Variants in DLC1 observed in about 807,000 individuals in gnomAD.
DLC1 encodes DLC1 Rho GTPase activating protein.
In DLC1, 54 loss-of-function variants were observed where a neutral mutation model predicts 140.3. The ratio of observed to expected loss-of-function variants is 0.38; its 90% CI spans 0.31 to 0.48. The LOEUF (loss-of-function observed/expected upper bound fraction) is 0.48, where lower values mean the gene tolerates loss of function less well. Ranked by LOEUF, DLC1 falls within the 20% of genes least tolerant of loss-of-function variation. The probability of loss-of-function intolerance (pLI) is 0.96; values close to 1 mark genes in which losing one functional copy is unlikely to be tolerated. For synonymous variants in DLC1, 986 were observed against 728.1 expected, an observed-to-expected ratio of 1.35 and a Z score of -5.70; for missense variants, 2,536 against 1,907.0, an observed-to-expected ratio of 1.33 and a Z score of -6.14.
At chr8:13,089,127 C>G (rs1817822810) in intron 15 of DLC1, among the ~76,000 whole-genome samples, 1 of 151,126 alleles carries the variant, frequency 6.6e-6, no homozygotes, top group South Asian at 2.1e-4. Flanking sequence ...GGCGTGGTGG[C>G]AGGCACCTGT....
intron 2 of DLC1, among the ~76,000 whole-genome samples, chr8:13,404,910 G>A (rs1237181403): frequency 6.6e-6 from 1 of 152,016 alleles, no homozygotes; most frequent in Non-Finnish European, 1.5e-5. Flanking sequence ...GGAGTCCTGA[G>A]GCAAGAGAGT....
intron 4 of DLC1, among the ~76,000 whole-genome samples, chr8:13,330,114 A>G (rs76334277): frequency 0.011 from 1,705 of 152,232 alleles, 32 homozygotes; most frequent in African/African-American, 0.039. Context: ...ACAGGTGCAC[A>G]CCACAATGTC....
chr8:13,463,982 G>T (rs1010437676), intron 2 of DLC1, among the ~76,000 whole-genome samples: 2 of 152,180 alleles, frequency 1.3e-5, no homozygotes, highest in East Asian at 3.8e-4. Context: ...GAGAGAAAAA[G>T]ATGAAATTTG....
At chr8:13,459,918 G>A (rs1387100666) in intron 2 of DLC1, among the ~76,000 whole-genome samples, 8 of 151,982 alleles carry the variant, frequency 5.3e-5, no homozygotes, top group South Asian at 2.1e-4. Flanking sequence ...CCCTCATCTC[G>A]CCCAATATCG....
At chr8:13,344,933 A>T (rs577630244) in intron 4 of DLC1, among the ~76,000 whole-genome samples, 17 of 152,346 alleles carry the variant, frequency 1.1e-4, no homozygotes, top group African/African-American at 3.6e-4. Context: ...TTGTTTGATT[A>T]TTTAATCAAA....
chr8:13,190,370 C>G (rs2117022190), intron 5 of DLC1, among the ~76,000 whole-genome samples: 1 of 152,220 alleles, frequency 6.6e-6, no homozygotes, highest in African/African-American at 2.4e-5. Context: ...TCCCTTTCCA[C>G]TGTCACCACC....
chr8:13,161,101 G>T (rs538997707), intron 5 of DLC1, among the ~76,000 whole-genome samples: 25 of 152,264 alleles, frequency 1.6e-4, no homozygotes, highest in Admixed American at 1.1e-3. Context: ...AGGGAGGTGG[G>T]AGTGGGAGAG....
At chr8:13,105,620 G>A (rs1351863282) in intron 7 of DLC1, among the ~76,000 whole-genome samples, 8 of 141,298 alleles carry the variant, frequency 5.7e-5, no homozygotes, top group African/African-American at 2.1e-4. Flanking sequence ...AGACAGTCTT[G>A]CTCTATTGCC....
intron 2 of DLC1, among the ~76,000 whole-genome samples, chr8:13,482,423 T>C (rs1800779396): frequency 1.0e-4 from 1 of 9,716 alleles, no homozygotes; most frequent in Admixed American, 4.4e-4. Context: ...AAGATAAAAA[T>C]AGTTGATGAA....
rs562710390 is a variant in DLC1, at chr8:13,475,486, C to T, written c.1023+23563G>A. 3.9e-5 allele frequency among the ~76,000 whole-genome samples: 6 copies of T among 152,182 alleles called. No homozygotes were observed. In the South Asian group the frequency reaches 1.2e-3, roughly 32 times the overall value. Reference sequence around the variant, plus strand: ...TTATTCTTAGCGTGTGCCCAGAAGCCATGGAGATTTTTGGACTTACTTAGT... The same window carrying T: ...TTATTCTTAGCGTGTGCCCAGAAGCTATGGAGATTTTTGGACTTACTTAGT... On this transcript the variant is annotated intron_variant, in intron 2 of 17. Transcript: ENST00000276297.
intron 5 of DLC1, among the ~76,000 whole-genome samples, chr8:13,295,770 A>G (rs1355729383): frequency 6.6e-6 from 1 of 152,048 alleles, no homozygotes; most frequent in East Asian, 1.9e-4. Flanking sequence ...GTAACTTTCC[A>G]AAGTAAACAT....
At chr8:13,410,105 T>C (rs1837723145) in intron 2 of DLC1, among the ~76,000 whole-genome samples, 1 of 151,894 alleles carries the variant, frequency 6.6e-6, no homozygotes, top group Admixed American at 6.6e-5. Context: ...ATACGACAAG[T>C]AAATATCAAA....
At chr8:13,511,528 T>C (rs530589276) in intron 1 of DLC1, among the ~76,000 whole-genome samples, 3 of 152,292 alleles carry the variant, frequency 2.0e-5, no homozygotes, top group Admixed American at 1.3e-4. Context: ...AACAGAACCA[T>C]AGAAGTAAAC....
intron 5 of DLC1, among the ~76,000 whole-genome samples, chr8:13,302,887 A>T (rs1279152588): frequency 6.6e-6 from 1 of 152,230 alleles, no homozygotes. Context: ...TTATATTTGT[A>T]TATAGAACAC....
chr8:13,462,456 T>G lies in DLC1; in HGVS notation c.1023+36593A>C, dbSNP rs933587319. Among the ~76,000 whole-genome samples the G allele has an allele frequency of 5.7e-4, 84 of 148,494 alleles. 1 individual carries two copies. The highest frequency in any genetic ancestry group is 3.6e-3 in the Admixed American group (52 of 14,410). On this transcript the variant is annotated intron_variant, in intron 2 of 17. Transcript: ENST00000276297. ...TGGCTGGCGACAGCCCAGGCTGGAG[T>G]GCAGTGGCGCGATCTTGGCTCACTG...
chr8:13,099,922 C>T lies in DLC1; in HGVS notation c.2415G>A (p.Thr805=), dbSNP rs573938396. 3 of 1,613,950 alleles carry T rather than the reference C, an allele frequency of 1.9e-6. No individual in the cohort carries two copies. Among genetic ancestry groups the T allele is most frequent in the South Asian group, 1.1e-5 (1 of 91,082 alleles). The change falls in exon 9 of 18, where the codon ACG becomes ACA. Residue 805 remains threonine, a synonymous_variant. Transcript: ENST00000276297. ...TGTGATCTTCAGGGATGTAGAACAC[C>T]GTGTCCTCTGGGTAGCTCTCGCGGT... ...FKNRESYPED[T]VFYIPEDHKP... is the part of the protein sequence containing the mutation.
rs1056815325 is a variant in DLC1, at chr8:13,291,402, T to C, written c.1348+13867A>G. Among the ~76,000 whole-genome samples the C allele has an allele frequency of 6.6e-5, 10 of 152,360 alleles. No homozygotes were observed. The South Asian group carries it at 2.1e-3, about 32-fold the overall frequency. ...CAGTGAGTACTGTGATACTAATATG[T>C]AAATTTATTTCTGTCTGCTCCATGA... On this transcript the variant is annotated intron_variant, in intron 5 of 17. Coordinates refer to ENST00000276297, the MANE Select transcript of DLC1 (RefSeq NM_182643.3).
chr8:13,221,680 TTG>T (rs1299847221), intron 5 of DLC1, among the ~76,000 whole-genome samples: 21 of 140,560 alleles, frequency 1.5e-4, no homozygotes, highest in East Asian at 2.1e-4. Context: ...CCCAAAGATT[TTG>T]TGTGTGTGTG....
At chr8:13,166,764 T>C (rs1004394782) in intron 5 of DLC1, among the ~76,000 whole-genome samples, 1 of 152,200 alleles carries the variant, frequency 6.6e-6, no homozygotes, top group Non-Finnish European at 1.5e-5. Context: ...TATCTGGCTA[T>C]TTGAAATCGT....
Sources: gnomAD v4.1 joint callset for allele counts (sites outside exome capture counted in the v4.1 genomes callset) on GRCh38, gnomAD v4.1.1 for gene constraint, MANE v1.5 for transcripts, NCBI Gene and HGNC (gene_info 2026-07-23, HGNC 2026-07-21) for gene names.